Variants in SPDYE4 observed in about 807,000 individuals in gnomAD.
The protein encoded by SPDYE4 is speedy protein E4.
SPDYE4 carries 30 observed loss-of-function variants against 37.5 expected under a neutral mutation model. The observed-to-expected ratio is 0.80, with a 90% confidence interval of 0.60 to 1.09. The LOEUF is 1.09. SPDYE4 is among the 50% of genes least tolerant of loss of function. SPDYE4 has a pLI of 0.00. For missense variants in SPDYE4, 300 were observed against 307.9 expected, an observed-to-expected ratio of 0.97 and a Z score of 0.19; for synonymous variants, 131 against 120.3, an observed-to-expected ratio of 1.09 and a Z score of -0.58.
chr17:8,748,755 A>G (rs142735181), downstream of SPDYE4, among the ~76,000 whole-genome samples: 266 of 152,290 alleles, frequency 1.7e-3, 1 homozygote, highest in South Asian at 0.016. Flanking sequence ...ATTGATTTAT[A>G]GAAGGTCTTT....
chr17:8,755,750 C>T (rs1366706399), intron 3 of SPDYE4, 145 bp from the exon 4 acceptor site: 2 of 1,095,518 alleles, frequency 1.8e-6, no homozygotes, highest in Admixed American at 2.2e-5. Context: ...TCATTGGGGG[C>T]TTGCGGGTGG....
At position 8,757,415 on chromosome 17, in the gene SPDYE4, C is replaced by T; in HGVS notation, c.187G>A (p.Glu63Lys). 2.5e-6 allele frequency: 4 copies of T among 1,592,374 alleles called. No individual in the cohort carries two copies. The highest frequency in any genetic ancestry group is 3.4e-6 in the Non-Finnish European group (4 of 1,169,196). ...RKSEWSDESE[E>K]ELEEELELER... ...AACTCCAGCTCCTCCTCCAGCTCCTCCTCGGATTCGTCTGACCATTCGCTC... is the reference window on the plus strand; with the variant it reads ...AACTCCAGCTCCTCCTCCAGCTCCTTCTCGGATTCGTCTGACCATTCGCTC... Residue 63 changes from glutamate (E) to lysine (K), a missense_variant, in exon 2 of 7, where the codon GAG (glutamate) becomes AAG (lysine). Transcript: ENST00000689094.
chr17:8,754,803 A>G (rs1014420461), intron 4 of SPDYE4, among the ~76,000 whole-genome samples: 69 of 152,212 alleles, frequency 4.5e-4, no homozygotes, highest in Non-Finnish European at 9.0e-4. Context: ...TTCCCTTCAG[A>G]TCCACATGTG....
chr17:8,750,498 C>T (rs1036829765), downstream of SPDYE4, among the ~76,000 whole-genome samples: 3 of 152,308 alleles, frequency 2.0e-5, no homozygotes, highest in South Asian at 2.1e-4. Context: ...CTCACGAGGT[C>T]GGGAGATCAA....
chr17:8,753,382 C>A lies in SPDYE4; in HGVS notation c.593G>T (p.Arg198Leu). 6.3e-7 allele frequency: 1 copy of A among 1,587,128 alleles called. No homozygotes were observed. Among genetic ancestry groups the A allele is most frequent in the Non-Finnish European group, 8.6e-7 (1 of 1,166,452 alleles). The part of the protein sequence containing the change: ...YSQRPLFHKL[R>L]YQLLCSMRWR... The stretch of plus-strand genomic sequence containing the variant: ...GCGCATGGAACAGAGGAGCTGGTAT[C>A]GAAGCTTATGGAACAAGGGTCGCTG... Residue 198 changes from arginine (R) to leucine (L), a missense_variant, in exon 5 of 7, where the codon CGA (arginine) becomes CTA (leucine). By Grantham distance (102) the Arg-to-Leu change is moderately radical. Coordinates refer to ENST00000689094, the MANE Select transcript of SPDYE4 (RefSeq NM_001394956.1).
In SPDYE4 at chr17:8,755,579, A is replaced by G; in HGVS notation, c.426T>C (p.Tyr142=). The change falls in exon 4 of 7, where the codon TAT becomes TAC. Residue 142 remains tyrosine, a synonymous_variant. Transcript: ENST00000689094. ...ACGAGAAGAGGCCGGCACGGCTAAAATACGCTATGACCATAGCCAGGAGAT... is the reference window on the plus strand; with the variant it reads ...ACGAGAAGAGGCCGGCACGGCTAAAGTACGCTATGACCATAGCCAGGAGAT... ...DKYLLAMVIA[Y]FSRAGLFSWQ... 6.2e-7 allele frequency: 1 copy of G among 1,612,880 alleles called. No homozygotes were observed. Among genetic ancestry groups the G allele is most frequent in the Non-Finnish European group, 8.5e-7 (1 of 1,179,566 alleles).
chr17:8,753,284 C>G, intron 5 of SPDYE4, 37 bp downstream of exon 5: 1 of 1,377,262 alleles, frequency 7.3e-7, no homozygotes, highest in Non-Finnish European at 9.8e-7. Flanking sequence ...CCACCCCATC[C>G]CTCCCCACCC....
intron 4 of SPDYE4, among the ~76,000 whole-genome samples, chr17:8,754,901 G>C (rs1156837797): frequency 6.6e-6 from 1 of 152,210 alleles, no homozygotes; most frequent in Non-Finnish European, 1.5e-5. Context: ...GAAAGATGAA[G>C]ATGGTGGGCA....
chr17:8,752,550 CA>C (rs139427075), intron 6 of SPDYE4, among the ~76,000 whole-genome samples: 5,943 of 152,170 alleles, frequency 0.039, 311 homozygotes, highest in African/African-American at 0.12. Context: ...TGGACTTCAT[CA>C]CACTTGGGGC....
chr17:8,749,422 C>G (rs2086712284), downstream of SPDYE4, among the ~76,000 whole-genome samples: 1 of 152,088 alleles, frequency 6.6e-6, no homozygotes, highest in Admixed American at 6.5e-5. Context: ...TGCCACTATG[C>G]CCGGCTAATT....
intron 2 of SPDYE4, among the ~76,000 whole-genome samples, 159 bp from the exon 3 acceptor site, chr17:8,756,595 G>A (rs1437923538): frequency 6.6e-6 from 1 of 152,206 alleles, no homozygotes; most frequent in Non-Finnish European, 1.5e-5. Flanking sequence ...ACTGGGCAAG[G>A]AGGGAGGCTC....
intron 1 of SPDYE4, among the ~76,000 whole-genome samples, chr17:8,757,866 T>A (rs2086787524): frequency 6.7e-6 from 1 of 150,054 alleles, no homozygotes; most frequent in Non-Finnish European, 1.5e-5. Context: ...CACTGCAACC[T>A]CCGCCTCCTG....
In SPDYE4 at chr17:8,756,453, T is replaced by G; in HGVS notation, c.341-17A>C. 1.9e-6 allele frequency: 3 copies of G among 1,613,224 alleles called. No homozygotes were observed. The highest frequency in any genetic ancestry group is 2.5e-6 in the Non-Finnish European group (3 of 1,179,390). On this transcript the variant is annotated splice_polypyrimidine_tract_variant and intron_variant, in intron 2 of 6. Transcript: ENST00000689094. ...CAGGATCCCCTGTGAAAAGAGAGCC[T>G]GTGTCAGGGTGAGAAGTGGAACAGG... is the stretch of plus-strand genomic sequence containing the variant.
At chr17:8,755,209 A>T (rs1461546999) in intron 4 of SPDYE4, among the ~76,000 whole-genome samples, 1 of 152,170 alleles carries the variant, frequency 6.6e-6, no homozygotes, top group Non-Finnish European at 1.5e-5. Flanking sequence ...TTTGGTGTTG[A>T]TATGGGAAGG....
At chr17:8,750,626 C>T (rs1011338991), downstream of SPDYE4, among the ~76,000 whole-genome samples, 1 of 152,128 alleles carries the variant, frequency 6.6e-6, no homozygotes, top group African/African-American at 2.4e-5. Context: ...AGGAGAATGG[C>T]GTGAACACAG....
At position 8,750,985 on chromosome 17, in the gene SPDYE4, C is replaced by T. The variant is rs1362594078; in HGVS notation, c.*1297G>A. On this transcript the variant is annotated 3_prime_UTR_variant, in exon 7 of 7. Coordinates refer to ENST00000689094, the MANE Select transcript of SPDYE4 (RefSeq NM_001394956.1). ...AAAGTAACATACAAACCTTTCAATA[C>T]AAGCTAAAAAATTACGTCTGAATTC... Among the ~76,000 whole-genome samples, 2 of 152,156 alleles carry T rather than the reference C, an allele frequency of 1.3e-5. No individual in the cohort carries two copies. The highest frequency in any genetic ancestry group is 1.3e-4 in the Admixed American group (2 of 15,280).
downstream of SPDYE4, among the ~76,000 whole-genome samples, chr17:8,749,883 T>A (rs977518235): frequency 6.6e-6 from 1 of 152,204 alleles, no homozygotes; most frequent in Non-Finnish European, 1.5e-5. Context: ...ATGAAGGTAA[T>A]CTGTAACAAT....
intron 1 of SPDYE4, 120 bp from the exon 2 acceptor site, chr17:8,757,612 C>G (rs1400994475): frequency 9.8e-7 from 1 of 1,022,522 alleles, no homozygotes; most frequent in Admixed American, 2.7e-5. Flanking sequence ...GTCAGCTTCT[C>G]CAAGCCATGT....
At chr17:8,753,273 T>C in intron 5 of SPDYE4, 48 bp downstream of exon 5, 2 of 1,556,554 alleles carry the variant, frequency 1.3e-6, no homozygotes, top group Non-Finnish European at 1.8e-6. Flanking sequence ...CAGCCTCCAG[T>C]CCACCCCATC....
Sources: gnomAD v4.1 joint callset for allele counts (sites outside exome capture counted in the v4.1 genomes callset) on GRCh38, gnomAD v4.1.1 for gene constraint, MANE v1.5 for transcripts, NCBI Gene and HGNC (gene_info 2026-07-23, HGNC 2026-07-21) for gene names.